SLC7A7: variants seen among roughly 807,000 people sequenced by gnomAD.
The protein encoded by SLC7A7 is Y+L amino acid transporter 1.
A neutral mutation model predicts 47.9 loss-of-function variants in SLC7A7; 39 were observed. That is an observed-to-expected ratio of 0.81 (90% CI 0.63 to 1.06). The LOEUF (loss-of-function observed/expected upper bound fraction) is 1.06. Ranked by LOEUF, SLC7A7 falls within the 50% of genes least tolerant of loss-of-function variation. The probability of loss-of-function intolerance (pLI) is 0.00; values close to 1 mark genes in which losing one functional copy is unlikely to be tolerated. For missense variants in SLC7A7, 588 were observed against 632.0 expected (o/e 0.93, Z 0.75); for synonymous variants, 234 against 242.8 (o/e 0.96, Z 0.34).
intron 2 of SLC7A7, among the ~76,000 whole-genome samples, chr14:22,800,032 C>G (rs2039085378): frequency 6.6e-6 from 1 of 152,210 alleles, no homozygotes; most frequent in South Asian, 2.1e-4. Context: ...CCACTCATAT[C>G]TACTCATAGT....
chr14:22,805,006 TCAAAAAA>T (rs919602145), intron 2 of SLC7A7, among the ~76,000 whole-genome samples: 1 of 151,568 alleles, frequency 6.6e-6, no homozygotes, highest in Non-Finnish European at 1.5e-5. Context: ...AAACTTCGTC[TCAAAAAA>T]CAAAAAACAA....
At chr14:22,807,731 G>A (rs2039237621) in intron 2 of SLC7A7, among the ~76,000 whole-genome samples, 1 of 152,064 alleles carries the variant, frequency 6.6e-6, no homozygotes, top group Non-Finnish European at 1.5e-5. Flanking sequence ...TCTGTACCTT[G>A]CACCTCCACA....
chr14:22,799,639 G>A (rs2331770), intron 2 of SLC7A7, among the ~76,000 whole-genome samples: 2 of 151,672 alleles, frequency 1.3e-5, no homozygotes, highest in East Asian at 3.9e-4. Flanking sequence ...ATTTTTAGTA[G>A]AGACAGGGTT....
At chr14:22,811,312 C>A (rs1230833536) in intron 2 of SLC7A7, among the ~76,000 whole-genome samples, 3 of 152,172 alleles carry the variant, frequency 2.0e-5, no homozygotes, top group Non-Finnish European at 4.4e-5. Context: ...AGAGCAGCTG[C>A]CCCTCAAATT....
chr14:22,793,901 G>A (rs1164549846), intron 2 of SLC7A7, among the ~76,000 whole-genome samples: 1 of 152,146 alleles, frequency 6.6e-6, no homozygotes, highest in Admixed American at 6.5e-5. Flanking sequence ...CCTAAGATCA[G>A]TGCTTGAGGT....
intron 2 of SLC7A7, among the ~76,000 whole-genome samples, chr14:22,783,093 C>T (rs1201347532): frequency 6.6e-6 from 1 of 151,854 alleles, no homozygotes; most frequent in East Asian, 1.9e-4. Context: ...ACCACCACAC[C>T]TGGCTAATTT....
rs564996711 is a variant in SLC7A7, at chr14:22,808,577, C to T, written c.499+4323G>A. 9.2e-5 allele frequency among the ~76,000 whole-genome samples: 14 copies of T among 152,190 alleles called. No individual in the cohort carries two copies. In the East Asian group the frequency reaches 2.5e-3, roughly 27 times the overall value. ...ATCCTAGCACTTTGGGAGGCCAAGG[C>T]AGGCAGATAGCTTGAGCCCAGGAGT... On this transcript the variant is annotated intron_variant, in intron 2 of 9. Transcript: ENST00000674313.
At chr14:22,815,484 G>T, upstream of SLC7A7, 1 of 454,494 alleles carries the variant, frequency 2.2e-6, no homozygotes, top group Non-Finnish European at 4.4e-6. Context: ...TGGAGGAGGT[G>T]AGGCAGCCCG....
chr14:22,813,502 C>T (rs2039356988), intron 1 of SLC7A7, 62 bp from the exon 2 acceptor site: 16 of 1,419,942 alleles, frequency 1.1e-5, no homozygotes, highest in Non-Finnish European at 1.3e-5. Context: ...AACCTCTACC[C>T]GCCTCCAACA....
rs10566770 is a variant in SLC7A7 at position 22,812,639 on chromosome 14, TAAA to T, written c.499+258_499+260del. On this transcript the variant is annotated intron_variant, in intron 2 of 9. Transcript: ENST00000674313. ...TGACAGAGCAAAATACCTGTCTCTT[TAAA>T]AAAAAAAAAAAAAAATCAGGAAGAA... Among the ~76,000 whole-genome samples the T allele has an allele frequency of 0.023, 3,251 of 139,106 alleles. 39 individuals are homozygous for T. Among genetic ancestry groups the T allele is most frequent in the Non-Finnish European group, 0.027 (1,719 of 64,604 alleles). The allele number at this position is 139,106 out of a possible 152,430, so 91.3% of individuals were successfully genotyped here. A position where few individuals can be genotyped will look rare whatever the true frequency, so the allele number is the denominator to read the frequency against.
At chr14:22,804,822 G>A (rs10459506) in intron 2 of SLC7A7, among the ~76,000 whole-genome samples, 19,153 of 151,064 alleles carry the variant, frequency 0.13, 1,375 homozygotes, top group South Asian at 0.19. Flanking sequence ...GAGAAACCCC[G>A]TCTCTAACAA....
chr14:22,806,187 CTTTTTTTTTTTTTTTTT>C (rs77783824), intron 2 of SLC7A7, among the ~76,000 whole-genome samples: 1 of 78,278 alleles, frequency 1.3e-5, no homozygotes, highest in Non-Finnish European at 2.3e-5. Context: ...ACATCAATCT[CTTTTTTTTTTTTTTTTT>C]TTTTTTTTTG....
chr14:22,776,691 G>A (rs1253824794), intron 4 of SLC7A7, among the ~76,000 whole-genome samples: 1 of 152,000 alleles, frequency 6.6e-6, no homozygotes, highest in Non-Finnish European at 1.5e-5. Flanking sequence ...CAAGCAGCTG[G>A]GCGTGGTGGC....
chr14:22,776,068 G>T, intron 5 of SLC7A7, 127 bp downstream of exon 5: 1 of 1,481,782 alleles, frequency 6.7e-7, no homozygotes, highest in Non-Finnish European at 9.4e-7. Flanking sequence ...GGACCTTCTT[G>T]CAAGCCCGGT....
chr14:22,809,153 G>A (rs2039259946), intron 2 of SLC7A7, among the ~76,000 whole-genome samples: 1 of 152,168 alleles, frequency 6.6e-6, no homozygotes, highest in Admixed American at 6.5e-5. Context: ...CATAACTGCG[G>A]CTACTTTGCA....
intron 4 of SLC7A7, 43 bp from the exon 5 acceptor site, chr14:22,776,361 T>C: frequency 6.2e-7 from 1 of 1,613,712 alleles, no homozygotes; most frequent in Non-Finnish European, 8.5e-7. Context: ...CCCACAGTCA[T>C]ATCCCTATCT....
In SLC7A7 at chr14:22,773,770, A is replaced by G. The variant is rs968152072; in HGVS notation, c.1430-54T>C. ...AGAAGAGGTCAGCTGGGCTGAGTTC[A>G]AGTGTCACTGAATGGAACTCAGTGT... On this transcript the variant is annotated intron_variant, in intron 9 of 9. Coordinates refer to ENST00000674313, the MANE Select transcript of SLC7A7 (RefSeq NM_003982.4). 4.4e-6 allele frequency: 7 copies of G among 1,577,914 alleles called. No homozygotes were observed. The East Asian group carries it at 1.6e-4, about 35-fold the overall frequency.
At chr14:22,791,234 A>G (rs4316670) in intron 2 of SLC7A7, among the ~76,000 whole-genome samples, 145,657 of 152,130 alleles carry the variant, frequency 0.96, 70,018 homozygotes, top group East Asian at 1. Flanking sequence ...CTTATTATAC[A>G]CATCTCTCCC....
intron 1 of SLC7A7, chr14:22,814,937 G>T: frequency 1.1e-5 from 2 of 188,522 alleles, no homozygotes. Flanking sequence ...CCATTCTCTG[G>T]TATTCTAAGC....
Sources: gnomAD v4.1 joint callset for allele counts (sites outside exome capture counted in the v4.1 genomes callset) on GRCh38, gnomAD v4.1.1 for gene constraint, MANE v1.5 for transcripts, NCBI Gene and HGNC (gene_info 2026-07-23, HGNC 2026-07-21) for gene names.